Variants in NKAIN2 observed in about 807,000 individuals in gnomAD.
NKAIN2 encodes sodium/potassium transporting ATPase interacting 2, also known as sodium/potassium-transporting ATPase subunit beta-1-interacting protein 2.
Under a neutral mutation model 32.6 loss-of-function variants are expected in NKAIN2, and 14 were observed. The ratio of observed to expected loss-of-function variants is 0.43; its 90% CI spans 0.28 to 0.67. The LOEUF (loss-of-function observed/expected upper bound fraction) is 0.67. NKAIN2 is among the 30% of genes least tolerant of loss of function. NKAIN2 has a pLI of 0.17. For synonymous variants in NKAIN2, 80 were observed against 87.2 expected (o/e 0.92, Z 0.46); for missense variants, 198 against 258.3 (o/e 0.77, Z 1.60).
intron 4 of NKAIN2, among the ~76,000 whole-genome samples, chr6:124,688,133 C>CTTTT (rs1218887612): frequency 2.0e-5 from 3 of 152,012 alleles, no homozygotes; most frequent in Non-Finnish European, 2.9e-5. Context: ...TGTTAATTTA[C>CTTTT]TTTTTTTCTG....
chr6:124,671,415 G>C (rs140510005), intron 4 of NKAIN2, among the ~76,000 whole-genome samples: 1 of 152,180 alleles, frequency 6.6e-6, no homozygotes, highest in African/African-American at 2.4e-5. Context: ...CTACATCTAA[G>C]CTGTATATAA....
At chr6:124,180,332 A>C (rs1447250967) in intron 1 of NKAIN2, among the ~76,000 whole-genome samples, 1 of 152,156 alleles carries the variant, frequency 6.6e-6, no homozygotes, top group Non-Finnish European at 1.5e-5. Context: ...GTCATGTCTT[A>C]CATGGCAGCA....
intron 1 of NKAIN2, among the ~76,000 whole-genome samples, chr6:124,118,582 A>G (rs1302072464): frequency 6.6e-6 from 1 of 152,182 alleles, no homozygotes; most frequent in African/African-American, 2.4e-5. Context: ...AGTGAGTACA[A>G]TAAAAATTAT....
intron 4 of NKAIN2, among the ~76,000 whole-genome samples, chr6:124,712,962 T>C (rs1177185744): frequency 1.3e-5 from 2 of 152,146 alleles, no homozygotes; most frequent in African/African-American, 4.8e-5. Flanking sequence ...TATAGAGTTT[T>C]TTTTCTCAGT....
intron 3 of NKAIN2, among the ~76,000 whole-genome samples, chr6:124,469,294 AT>A (rs561807828): frequency 2.0e-5 from 3 of 152,174 alleles, no homozygotes; most frequent in Non-Finnish European, 4.4e-5. Flanking sequence ...GTGGCAATAA[AT>A]TTTAGAGCAA....
intron 4 of NKAIN2, among the ~76,000 whole-genome samples, chr6:124,716,522 AGTTTC>A (rs1357269478): frequency 6.6e-6 from 1 of 152,210 alleles, no homozygotes; most frequent in Non-Finnish European, 1.5e-5. Context: ...AATCAACATG[AGTTTC>A]GTGACATCCC....
intron 3 of NKAIN2, among the ~76,000 whole-genome samples, chr6:124,432,790 T>C (rs1372519179): frequency 3.3e-5 from 5 of 152,042 alleles, no homozygotes; most frequent in South Asian, 2.1e-4. Context: ...CTTCCCAGAT[T>C]TGGCTTCACA....
At chr6:124,163,546 T>G (rs115595153) in intron 1 of NKAIN2, among the ~76,000 whole-genome samples, 2,793 of 152,166 alleles carry the variant, frequency 0.018, 76 homozygotes, top group African/African-American at 0.058. Context: ...ATTAGAATTT[T>G]TCAGATTTAG....
intron 3 of NKAIN2, among the ~76,000 whole-genome samples, chr6:124,395,705 T>A (rs1773348831): frequency 6.6e-6 from 1 of 152,326 alleles, no homozygotes; most frequent in Non-Finnish European, 1.5e-5. Flanking sequence ...ACATCAGTGA[T>A]GTTTTTCATT....
At chr6:124,027,550 T>C (rs1179918553) in intron 1 of NKAIN2, among the ~76,000 whole-genome samples, 1 of 152,154 alleles carries the variant, frequency 6.6e-6, no homozygotes, top group Non-Finnish European at 1.5e-5. Flanking sequence ...TGACCATGTC[T>C]TCTCAGTAAT....
intron 3 of NKAIN2, among the ~76,000 whole-genome samples, chr6:124,476,065 A>AGAGAGTGT (rs1487948768): frequency 7.5e-6 from 1 of 132,462 alleles, no homozygotes; most frequent in African/African-American, 2.9e-5. Context: ...AGAGAGAGAG[A>AGAGAGTGT]GTGTGTGTGT....
intron 1 of NKAIN2, among the ~76,000 whole-genome samples, chr6:123,895,881 C>G (rs6912925): frequency 0.3 from 45,139 of 152,030 alleles, 7,947 homozygotes; most frequent in East Asian, 0.5. Flanking sequence ...GTTCGTCTCC[C>G]TTATATGATA....
intron 3 of NKAIN2, among the ~76,000 whole-genome samples, chr6:124,417,401 T>C (rs188799147): frequency 6.6e-6 from 1 of 152,092 alleles, no homozygotes. Context: ...GATAAAACAA[T>C]AGAAATTAAC....
At chr6:124,808,765 G>C (rs1780724716) in intron 5 of NKAIN2, among the ~76,000 whole-genome samples, 1 of 152,190 alleles carries the variant, frequency 6.6e-6, no homozygotes, top group African/African-American at 2.4e-5. Flanking sequence ...TCCTTAAGCT[G>C]ATAAGCAACT....
intron 4 of NKAIN2, among the ~76,000 whole-genome samples, chr6:124,722,241 C>T (rs1776058667): frequency 6.6e-6 from 1 of 152,204 alleles, no homozygotes; most frequent in Admixed American, 6.5e-5. Flanking sequence ...GAGTTGCTTT[C>T]ACCTTTTGGC....
rs184473552 is a variant in NKAIN2, at chr6:124,256,690, T to A, written c.55-26315T>A. ...AAATATCTGTGCCTCAGTTTCTTCA[T>A]CTTTGCAGCAATTTAAGAGCCCGTA... On this transcript the variant is annotated intron_variant, in intron 1 of 6. Transcript: ENST00000368417. Among the ~76,000 whole-genome samples, 257 of 152,280 alleles carry A rather than the reference T, an allele frequency of 1.7e-3. 4 individuals are homozygous for A. Among genetic ancestry groups the A allele is most frequent in the Non-Finnish European group, 6.2e-4 (42 of 68,028 alleles).
intron 3 of NKAIN2, among the ~76,000 whole-genome samples, chr6:124,359,711 T>C (rs929211150): frequency 2.0e-5 from 3 of 152,188 alleles, no homozygotes; most frequent in East Asian, 1.9e-4. Flanking sequence ...AATGATGTCA[T>C]CTGCGAACAG....
intron 4 of NKAIN2, among the ~76,000 whole-genome samples, chr6:124,732,084 T>C (rs889025009): frequency 6.6e-6 from 1 of 152,068 alleles, no homozygotes; most frequent in African/African-American, 2.4e-5. Flanking sequence ...TACCTCCATT[T>C]ATTAAAGAAT....
intron 4 of NKAIN2, among the ~76,000 whole-genome samples, chr6:124,675,257 T>C (rs1773297866): frequency 6.6e-6 from 1 of 152,094 alleles, no homozygotes; most frequent in African/African-American, 2.4e-5. Context: ...TTGTTAAGTT[T>C]AGTTTGCTAG....
Sources: gnomAD v4.1 joint callset for allele counts (sites outside exome capture counted in the v4.1 genomes callset) on GRCh38, gnomAD v4.1.1 for gene constraint, MANE v1.5 for transcripts, NCBI Gene and HGNC (gene_info 2026-07-23, HGNC 2026-07-21) for gene names.